The following RNF111 variants were observed in gnomAD, a reference collection of about 807,000 sequenced individuals.
RNF111 encodes ring finger protein 111.
Under a neutral mutation model 95.1 loss-of-function variants are expected in RNF111, and 17 were observed. The observed-to-expected ratio is 0.18, with a 90% CI of 0.12 to 0.27. RNF111 has a LOEUF of 0.27. Among genes scored for constraint, RNF111 ranks in the 10% least tolerant of loss-of-function variants. The pLI is 1.00. For missense variants in RNF111, 1,189 were observed against 1,210.4 expected, an observed-to-expected ratio of 0.98 and a Z score of 0.26; for synonymous variants, 440 against 414.8, an observed-to-expected ratio of 1.06 and a Z score of -0.74.
At chr15:59,093,937 C>T (rs2079126862) in intron 13 of RNF111, among the ~76,000 whole-genome samples, 1 of 152,008 alleles carries the variant, frequency 6.6e-6, no homozygotes, top group Non-Finnish European at 1.5e-5. Context: ...CTTTTTAAGG[C>T]TATTATTTTA....
chr15:59,022,094 A>C (rs1290372127), intron 1 of RNF111, among the ~76,000 whole-genome samples: 4 of 152,102 alleles, frequency 2.6e-5, no homozygotes, highest in Non-Finnish European at 5.9e-5. Context: ...TCCTGACCTA[A>C]AGTGATCTCC....
intron 1 of RNF111, among the ~76,000 whole-genome samples, chr15:59,013,667 A>C (rs965199139): frequency 6.6e-6 from 1 of 151,964 alleles, no homozygotes; most frequent in Admixed American, 6.6e-5. Flanking sequence ...TGCCTACTTG[A>C]GATTGGTGGG....
At chr15:59,041,941 C>G (rs1205832892) in intron 2 of RNF111, among the ~76,000 whole-genome samples, 3 of 142,614 alleles carry the variant, frequency 2.1e-5, no homozygotes, top group African/African-American at 7.8e-5. Flanking sequence ...CATTTCTTTT[C>G]CTGTGATCAG....
In RNF111 at chr15:59,066,948, C is replaced by T; in HGVS notation, c.1551C>T (p.His517=). The change falls in exon 6 of 14, where the codon CAC becomes CAT. Residue 517 remains histidine, a synonymous_variant. Transcript: ENST00000348370. ...QHGHHFQHHH[H]HHHTPHPAVP... ...GTCACCATTTTCAACATCATCACCA[C>T]CACCACCATACTCCCCACCCAGCTG... The T allele has an allele frequency of 2.5e-6, 4 of 1,614,144 alleles. No homozygotes were observed. The highest frequency in any genetic ancestry group is 3.4e-6 in the Non-Finnish European group (4 of 1,180,022).
chr15:59,082,492 T>C (rs1341799299), intron 8 of RNF111, among the ~76,000 whole-genome samples: 1 of 152,226 alleles, frequency 6.6e-6, no homozygotes, highest in East Asian at 1.9e-4. Context: ...GAAAATCCTT[T>C]TTTTTCTTTT....
chr15:59,015,624 TAA>T (rs775599053), intron 1 of RNF111, among the ~76,000 whole-genome samples: 17 of 136,138 alleles, frequency 1.2e-4, no homozygotes, highest in Admixed American at 2.2e-4. Flanking sequence ...TCTCCCCTAC[TAA>T]AAAAAAAAAA....
intron 4 of RNF111, among the ~76,000 whole-genome samples, chr15:59,056,981 TC>T (rs2042225146): frequency 6.6e-6 from 1 of 152,162 alleles, no homozygotes; most frequent in African/African-American, 2.4e-5. Context: ...TAGTAGATGC[TC>T]CCTTTCCCCC....
intron 2 of RNF111, among the ~76,000 whole-genome samples, chr15:59,052,099 C>T (rs1385260892): frequency 6.6e-6 from 1 of 152,040 alleles, no homozygotes; most frequent in Non-Finnish European, 1.5e-5. Context: ...AGTAAACATG[C>T]AAAGAAGTGT....
In RNF111 at chr15:59,067,076, A is replaced by G. The variant is rs1388909689; in HGVS notation, c.1679A>G (p.His560Arg). The change falls in exon 6 of 14, where the codon CAT becomes CGT. Residue 560 changes from histidine to arginine, a missense_variant. His to Arg is a conservative substitution (Grantham distance 29, BLOSUM62 0). Transcript: ENST00000348370. ...GANSSSGTSY[H>R]EQQALPVDLS... Reference sequence around the variant, plus strand: ...AATAGTAGTTCTGGTACCAGCTATCATGAACAGGTATGTGGAATTTGAGTC... The same window carrying G: ...AATAGTAGTTCTGGTACCAGCTATCGTGAACAGGTATGTGGAATTTGAGTC... 2.5e-6 allele frequency: 4 copies of G among 1,613,192 alleles called. No homozygotes were observed. The highest frequency in any genetic ancestry group is 3.4e-6 in the Non-Finnish European group (4 of 1,179,494).
chr15:59,059,130 AAAAAAG>A (rs1479116912), intron 5 of RNF111, among the ~76,000 whole-genome samples: 6 of 152,136 alleles, frequency 3.9e-5, no homozygotes, highest in Non-Finnish European at 7.3e-5. Flanking sequence ...TTTAAAAAAT[AAAAAAG>A]TAAAAAGAAA....
chr15:58,991,848 C>G (rs1269886895), intron 1 of RNF111, among the ~76,000 whole-genome samples: 2 of 152,104 alleles, frequency 1.3e-5, no homozygotes, highest in African/African-American at 4.8e-5. Context: ...AACCCTGACT[C>G]AAACCAATTG....
chr15:59,055,602 G>T, intron 3 of RNF111, 80 bp from the exon 4 acceptor site: 2 of 1,099,640 alleles, frequency 1.8e-6, no homozygotes, highest in East Asian at 2.8e-5. Flanking sequence ...TTAACATTTA[G>T]TAAGAAAGGC....
chr15:59,084,142 C>T lies in RNF111; in HGVS notation c.2311C>T (p.Arg771Cys), dbSNP rs2140193272. ...MMQHPTRAHE[R>C]PPPHPHRMHP... ...CTGTGTTTCCAGGCGGGCACATGAA[C>T]GCCCCCCACCCCATCCACATAGGAT... is the stretch of plus-strand genomic sequence containing the variant. Residue 771 changes from arginine (R) to cysteine (C), a missense_variant, in exon 9 of 14, where the codon CGC becomes TGC. Transcript: ENST00000348370. The T allele has an allele frequency of 1.9e-6, 3 of 1,587,358 alleles. No homozygotes were observed. Among genetic ancestry groups the T allele is most frequent in the Admixed American group, 3.5e-5 (2 of 56,818 alleles).
chr15:59,084,098 C>T (rs2078829055), intron 8 of RNF111, 31 bp from the exon 9 acceptor site: 5 of 1,546,856 alleles, frequency 3.2e-6, no homozygotes, highest in Admixed American at 1.9e-5. Flanking sequence ...TCAATTATTT[C>T]CAGTGGTCTT....
intron 6 of RNF111, among the ~76,000 whole-genome samples, chr15:59,072,042 C>G (rs1025446501): frequency 6.6e-6 from 1 of 152,174 alleles, no homozygotes; most frequent in African/African-American, 2.4e-5. Context: ...GTACATGTTT[C>G]AGTTTAAAAA....
rs71425836 is a variant in RNF111 at position 59,012,003 on chromosome 15, CTTTTTTTTTTTTTTTT to C, written c.-19-18787_-19-18772del. ...TTAGTGTTCTTTTTTGTTTGTTTGC[CTTTTTTTTTTTTTTTT>C]TTTTTTTTTTTTTGAGATGGAGTCT... On this transcript the variant is annotated intron_variant, in intron 1 of 13. Coordinates refer to ENST00000348370, the MANE Select transcript of RNF111 (RefSeq NM_017610.8). 2.0e-4 allele frequency among the ~76,000 whole-genome samples: 8 copies of C among 40,440 alleles called. No homozygotes were observed. In the Admixed American group the frequency reaches 3.5e-3, roughly 18 times the overall value. The allele number at this position is 40,440 out of a possible 152,430, so 26.5% of individuals were successfully genotyped here.
At chr15:59,034,745 G>C (rs1305628086) in intron 2 of RNF111, among the ~76,000 whole-genome samples, 1 of 152,158 alleles carries the variant, frequency 6.6e-6, no homozygotes, top group Non-Finnish European at 1.5e-5. Context: ...AAAAGTCTTA[G>C]CTAATTCAAA....
chr15:59,072,298 A>G (rs2042964521), intron 6 of RNF111, among the ~76,000 whole-genome samples: 1 of 152,146 alleles, frequency 6.6e-6, no homozygotes. Flanking sequence ...TCTGTAGCAC[A>G]TGATGCTGTT....
intron 1 of RNF111, among the ~76,000 whole-genome samples, chr15:59,021,403 G>A (rs1037888124): frequency 6.6e-6 from 1 of 152,016 alleles, no homozygotes; most frequent in Non-Finnish European, 1.5e-5. Flanking sequence ...CGCCTGTCTC[G>A]GCCTCCCAAA....
Sources: gnomAD v4.1 joint callset for allele counts (sites outside exome capture counted in the v4.1 genomes callset) on GRCh38, gnomAD v4.1.1 for gene constraint, MANE v1.5 for transcripts, NCBI Gene and HGNC (gene_info 2026-07-23, HGNC 2026-07-21) for gene names.